Variants in CTIF observed in about 807,000 individuals in gnomAD.
CTIF encodes CBP80/20-dependent translation initiation factor.
CTIF carries 21 observed loss-of-function variants against 66.0 expected under a neutral mutation model. The ratio of observed to expected loss-of-function variants is 0.32; its 90% CI spans 0.23 to 0.46. CTIF has a LOEUF of 0.46. Ranked by LOEUF, CTIF falls within the 20% of genes least tolerant of loss-of-function variation. The pLI is 1.00. For missense variants in CTIF, 739 were observed against 812.7 expected, an observed-to-expected ratio of 0.91 and a Z score of 1.10; for synonymous variants, 345 against 326.4, an observed-to-expected ratio of 1.06 and a Z score of -0.62.
chr18:48,814,908 C>T (rs1568240122), intron 9 of CTIF, among the ~76,000 whole-genome samples: 1 of 151,888 alleles, frequency 6.6e-6, no homozygotes, highest in Non-Finnish European at 1.5e-5. Flanking sequence ...GTGGACAATT[C>T]AGTGAGAAAG....
In CTIF at chr18:48,776,583, A is replaced by G. The variant is rs182472909; in HGVS notation, c.1371+14894A>G. Among the ~76,000 whole-genome samples the G allele has an allele frequency of 5.3e-5, 8 of 152,328 alleles. No homozygotes were observed. The East Asian group carries it at 1.4e-3, about 26-fold the overall frequency. ...ACCGTCTGAGCCTCAGCATCCCCAT[A>G]GGGGAAACGAGGGCACTGGGTCGGG... On this transcript the variant is annotated intron_variant, in intron 9 of 11. Transcript: ENST00000256413.
chr18:48,554,781 T>G (rs1424678736), intron 1 of CTIF, among the ~76,000 whole-genome samples: 2 of 152,272 alleles, frequency 1.3e-5, no homozygotes, highest in Non-Finnish European at 2.9e-5. Context: ...CAGAAGGACC[T>G]GAGAGAGGCT....
chr18:48,759,515 C>A (rs1908747611), intron 8 of CTIF, among the ~76,000 whole-genome samples: 1 of 152,098 alleles, frequency 6.6e-6, no homozygotes, highest in Non-Finnish European at 1.5e-5. Context: ...AATGTAACTG[C>A]AGGGCAGCAG....
At chr18:48,680,735 C>T (rs1254767321) in intron 6 of CTIF, among the ~76,000 whole-genome samples, 2 of 152,242 alleles carry the variant, frequency 1.3e-5, no homozygotes, top group East Asian at 1.9e-4. Flanking sequence ...GATTGCTTGC[C>T]GGTCCAGCAT....
chr18:48,696,480 G>A (rs914617662), intron 6 of CTIF, among the ~76,000 whole-genome samples: 1 of 152,094 alleles, frequency 6.6e-6, no homozygotes, highest in Non-Finnish European at 1.5e-5. Context: ...TGTGACCCCC[G>A]CCAGACATAT....
chr18:48,560,053 A>G (rs2089117725), intron 1 of CTIF, among the ~76,000 whole-genome samples: 1 of 152,128 alleles, frequency 6.6e-6, no homozygotes, highest in Admixed American at 6.5e-5. Context: ...AAGAAACAGG[A>G]AGGAGAGACG....
At chr18:48,783,814 G>T (rs1283222697) in intron 9 of CTIF, among the ~76,000 whole-genome samples, 1 of 151,930 alleles carries the variant, frequency 6.6e-6, no homozygotes, top group Non-Finnish European at 1.5e-5. Context: ...CCAGGCAAGC[G>T]CTGCCTGCCG....
At chr18:48,831,474 G>T (rs886403781) in intron 10 of CTIF, among the ~76,000 whole-genome samples, 2 of 152,258 alleles carry the variant, frequency 1.3e-5, no homozygotes, top group African/African-American at 2.4e-5. Context: ...ACAGCGCTCA[G>T]CAGGGCCCTC....
intron 7 of CTIF, among the ~76,000 whole-genome samples, chr18:48,750,084 G>A (rs111957732): frequency 2.0e-5 from 3 of 152,320 alleles, no homozygotes; most frequent in African/African-American, 4.8e-5. Flanking sequence ...ATAATACCTC[G>A]TATTCATAAC....
chr18:48,842,608 G>A (rs943379893), intron 10 of CTIF, among the ~76,000 whole-genome samples: 3 of 152,200 alleles, frequency 2.0e-5, no homozygotes, highest in Non-Finnish European at 4.4e-5. Context: ...GGCCAGGGCT[G>A]GCCTAGGTGA....
rs181436909 is a variant in CTIF, at chr18:48,541,115, G to A, written c.-29+1803G>A. ...AGGCGTTCTATGGGTGTGCGTGCCCGCGCTCGCCGCCGCTGCCTTCGCAGA... is the reference window on the plus strand; with the variant it reads ...AGGCGTTCTATGGGTGTGCGTGCCCACGCTCGCCGCCGCTGCCTTCGCAGA... On this transcript the variant is annotated intron_variant, in intron 1 of 11. Coordinates refer to ENST00000256413, the MANE Select transcript of CTIF (RefSeq NM_014772.3). Among the ~76,000 whole-genome samples the A allele has an allele frequency of 4.0e-3, 604 of 152,302 alleles. 3 individuals carry two copies. Among genetic ancestry groups the A allele is most frequent in the African/African-American group, 0.013 (521 of 41,578 alleles).
At chr18:48,596,382 A>G (rs1040389008) in intron 1 of CTIF, among the ~76,000 whole-genome samples, 8 of 152,180 alleles carry the variant, frequency 5.3e-5, no homozygotes, top group Non-Finnish European at 7.3e-5. Context: ...AACTCCATTC[A>G]TCACATCCAC....
At chr18:48,742,179 G>A (rs529995254) in intron 7 of CTIF, among the ~76,000 whole-genome samples, 1 of 152,344 alleles carries the variant, frequency 6.6e-6, no homozygotes, top group South Asian at 2.1e-4. Flanking sequence ...GGGTGACCAG[G>A]ACCGTTTCCC....
rs151214065 is a variant in CTIF, at chr18:48,598,695, A to G, written c.-28-20843A>G. Among the ~76,000 whole-genome samples, 1,268 of 152,346 alleles carry G rather than the reference A, an allele frequency of 8.3e-3. 14 individuals are homozygous for G. Among genetic ancestry groups the G allele is most frequent in the African/African-American group, 0.029 (1,207 of 41,568 alleles). On this transcript the variant is annotated intron_variant, in intron 1 of 11. Coordinates refer to ENST00000256413, the MANE Select transcript of CTIF (RefSeq NM_014772.3). ...TCCTGTACTTACCATTGTGGTCAAC[A>G]GAGAGGGTTCTATAACAGCACGCAG...
intron 3 of CTIF, among the ~76,000 whole-genome samples, chr18:48,643,893 A>C (rs1185627595): frequency 6.6e-6 from 1 of 152,158 alleles, no homozygotes; most frequent in Non-Finnish European, 1.5e-5. Context: ...AGTCCCCACC[A>C]TGTTAGCAAA....
intron 6 of CTIF, among the ~76,000 whole-genome samples, chr18:48,677,895 G>A (rs1042988295): frequency 7.9e-5 from 12 of 152,210 alleles, no homozygotes; most frequent in African/African-American, 2.9e-4. Flanking sequence ...CTTGAGTGCT[G>A]TCTGAGCTGC....
intron 9 of CTIF, among the ~76,000 whole-genome samples, chr18:48,772,654 G>A (rs1283311248): frequency 6.6e-6 from 1 of 152,184 alleles, no homozygotes; most frequent in Non-Finnish European, 1.5e-5. Context: ...GTTTATTCAT[G>A]TGTCAGAATT....
At chr18:48,806,205 T>A (rs1027799453) in intron 9 of CTIF, among the ~76,000 whole-genome samples, 3 of 152,116 alleles carry the variant, frequency 2.0e-5, no homozygotes, top group African/African-American at 7.2e-5. Flanking sequence ...TATTTGAAAA[T>A]TAGTTTCCTC....
intron 3 of CTIF, among the ~76,000 whole-genome samples, chr18:48,649,341 T>G (rs7233288): frequency 0.11 from 16,335 of 152,302 alleles, 1,057 homozygotes; most frequent in African/African-American, 0.18. Flanking sequence ...CATAGAGCCT[T>G]ACTCACTGCT....
Sources: allele counts gnomAD v4.1 joint callset (sites outside exome capture counted in the v4.1 genomes callset), GRCh38; gene constraint gnomAD v4.1.1; transcripts MANE v1.5; gene names NCBI Gene and HGNC (gene_info 2026-07-23, HGNC 2026-07-21).